The following SCRG1 variants were observed in gnomAD, a reference collection of about 807,000 sequenced individuals.
SCRG1 encodes scrapie-responsive protein 1.
In SCRG1, 3 loss-of-function variants were observed where a neutral mutation model predicts 7.7. That is an observed-to-expected ratio of 0.39 (90% CI 0.18 to 1.01). The LOEUF is 1.01. Among genes scored for constraint, SCRG1 ranks in the 50% least tolerant of loss-of-function variants. The pLI, the probability that SCRG1 is intolerant of heterozygous loss-of-function variation, is 0.36. For synonymous variants in SCRG1, 46 were observed against 41.2 expected, an observed-to-expected ratio of 1.12 and a Z score of -0.44; for missense variants, 110 against 117.2, an observed-to-expected ratio of 0.94 and a Z score of 0.28.
At chr4:173,482,448 C>G in the SCRG1 span, among the ~76,000 whole-genome samples, 1 of 152,124 alleles carries the variant, frequency 6.6e-6, no homozygotes, top group Non-Finnish European at 1.5e-5. Context: ...TAACTTCCAT[C>G]TAAACATACT....
At chr4:173,449,968 A>C in the SCRG1 span, among the ~76,000 whole-genome samples, 1 of 152,208 alleles carries the variant, frequency 6.6e-6, no homozygotes. Flanking sequence ...TAAACTGATT[A>C]AAAAATTGTT....
chr4:173,401,996 C>G (rs1268383207), upstream of SCRG1, among the ~76,000 whole-genome samples: 4 of 152,162 alleles, frequency 2.6e-5, no homozygotes, highest in Admixed American at 6.5e-5. Flanking sequence ...TGAAACCACT[C>G]TTTGTTTTCC....
chr4:173,440,562 G>A, the SCRG1 span, among the ~76,000 whole-genome samples: 10 of 152,280 alleles, frequency 6.6e-5, no homozygotes, highest in South Asian at 1.9e-3. Flanking sequence ...ATCTGGGAAC[G>A]GAGACATATA....
At chr4:173,417,068 A>G in the SCRG1 span, among the ~76,000 whole-genome samples, 1 of 150,974 alleles carries the variant, frequency 6.6e-6, no homozygotes, top group Non-Finnish European at 1.5e-5. Context: ...ATCTTCACAC[A>G]CAACACAAAC....
At chr4:173,417,847 C>T in the SCRG1 span, among the ~76,000 whole-genome samples, 2 of 152,086 alleles carry the variant, frequency 1.3e-5, no homozygotes, top group African/African-American at 4.8e-5. Flanking sequence ...CAGAGACCTG[C>T]AACACACCTT....
chr4:173,428,546 A>G, the SCRG1 span, among the ~76,000 whole-genome samples: 1 of 152,218 alleles, frequency 6.6e-6, no homozygotes, highest in Non-Finnish European at 1.5e-5. Context: ...GAGGCTGTAC[A>G]CCTAAGACAA....
At chr4:173,437,398 G>T in the SCRG1 span, among the ~76,000 whole-genome samples, 1 of 152,092 alleles carries the variant, frequency 6.6e-6, no homozygotes, top group Non-Finnish European at 1.5e-5. Flanking sequence ...AGTACTTAAC[G>T]CAATAACTTA....
the SCRG1 span, chr4:173,420,021 C>G: frequency 1.5e-6 from 1 of 660,478 alleles, no homozygotes; most frequent in South Asian, 1.5e-5. Context: ...TATTTTTATA[C>G]TGTATCACCA....
the SCRG1 span, among the ~76,000 whole-genome samples, chr4:173,460,778 C>A: frequency 6.6e-6 from 1 of 152,186 alleles, no homozygotes; most frequent in Non-Finnish European, 1.5e-5. Context: ...TCCACGATTC[C>A]AGGACTTGAT....
the SCRG1 span, among the ~76,000 whole-genome samples, chr4:173,484,465 TATAATATATAA>T: frequency 0.22 from 6,014 of 27,198 alleles, 1,324 homozygotes; most frequent in Non-Finnish European, 0.29. Context: ...ATTATATACA[TATAATATATAA>T]TATATATTAT....
chr4:173,479,435 G>GTTTTTTTTTTTTTTTTTTTTTTTTTT, the SCRG1 span, among the ~76,000 whole-genome samples: 6 of 125,930 alleles, frequency 4.8e-5, 2 homozygotes, highest in Non-Finnish European at 6.8e-5. Context: ...TTGTTTGTTT[G>GTTTTTTTTTTTTTTTTTTTTTTTTTT]TTTTTTTGTT....
At chr4:173,504,370 C>A in the SCRG1 span, among the ~76,000 whole-genome samples, 1 of 152,278 alleles carries the variant, frequency 6.6e-6, no homozygotes, top group East Asian at 1.9e-4. This position sits in a 1 kb window ranked among gnomAD's most constrained non-coding sequence, Gnocchi z 4.7. Flanking sequence ...CAGCCTGGGG[C>A]CTTTCCTACC....
chr4:173,517,031 A>G, the SCRG1 span, among the ~76,000 whole-genome samples: 1 of 152,226 alleles, frequency 6.6e-6, no homozygotes, highest in African/African-American at 2.4e-5. Flanking sequence ...AGCAAAGTCT[A>G]CAGGGGAGGG....
At chr4:173,432,585 T>C in the SCRG1 span, among the ~76,000 whole-genome samples, 1 of 152,158 alleles carries the variant, frequency 6.6e-6, no homozygotes, top group African/African-American at 2.4e-5. Context: ...TGTGTCTACA[T>C]GACCTTCCAG....
the SCRG1 span, among the ~76,000 whole-genome samples, chr4:173,509,242 C>A: frequency 3.3e-5 from 5 of 152,108 alleles, no homozygotes; most frequent in African/African-American, 1.2e-4. The surrounding 1 kb of genome is among the most constrained non-coding windows in gnomAD (Gnocchi z 5.7). Flanking sequence ...GTTGCGCGCG[C>A]GCGTGCGGGA....
chr4:173,504,154 A>G, the SCRG1 span, among the ~76,000 whole-genome samples: 2 of 149,754 alleles, frequency 1.3e-5, no homozygotes, highest in Admixed American at 6.6e-5. The surrounding 1 kb of genome is among the most constrained non-coding windows in gnomAD (Gnocchi z 4.7). Context: ...ACAAAGTCTG[A>G]ACTACATTGG....
the SCRG1 span, among the ~76,000 whole-genome samples, chr4:173,434,127 C>G: frequency 6.6e-6 from 1 of 152,256 alleles, no homozygotes; most frequent in East Asian, 1.9e-4. Flanking sequence ...GAGATGGGGC[C>G]AGGGTGGGAA....
chr4:173,396,680 G>T (rs751538014), intron 1 of SCRG1, among the ~76,000 whole-genome samples: 16 of 150,830 alleles, frequency 1.1e-4, no homozygotes, highest in Admixed American at 2.6e-4. Flanking sequence ...ACAATGGAAA[G>T]TTCCACACCT....
chr4:173,478,783 G>A, the SCRG1 span, among the ~76,000 whole-genome samples: 2 of 152,160 alleles, frequency 1.3e-5, no homozygotes, highest in Non-Finnish European at 1.5e-5. Context: ...ATGACGAAAG[G>A]AAAATGAATC....
Sources: allele counts gnomAD v4.1 joint callset (sites outside exome capture counted in the v4.1 genomes callset), GRCh38; gene constraint gnomAD v4.1.1; non-coding constraint Gnocchi (gnomAD v3.1); transcripts MANE v1.5; gene names NCBI Gene and HGNC (gene_info 2026-07-23, HGNC 2026-07-21).